Variants in PRMT5 observed in about 807,000 individuals in gnomAD.
The protein encoded by PRMT5 is protein arginine N-methyltransferase 5.
PRMT5 carries 15 observed loss-of-function variants against 84.0 expected under a neutral mutation model. The observed-to-expected ratio is 0.18, with a 90% CI of 0.12 to 0.28. The LOEUF (loss-of-function observed/expected upper bound fraction) is 0.28, where lower values mean the gene tolerates loss of function less well. Among genes scored for constraint, PRMT5 ranks in the 10% least tolerant of loss-of-function variants. The pLI is 1.00. For synonymous variants in PRMT5, 276 were observed against 292.4 expected (o/e 0.94, Z 0.57); for missense variants, 486 against 808.0 (o/e 0.60, Z 4.83).
At chr14:22,925,663 ACAAAAAT>A (rs1166568410) in intron 7 of PRMT5, among the ~76,000 whole-genome samples, 1 of 152,060 alleles carries the variant, frequency 6.6e-6, no homozygotes, top group East Asian at 1.9e-4. Context: ...TACTGAAAAT[ACAAAAAT>A]TAGCCGGGCA....
intron 16 of PRMT5, among the ~76,000 whole-genome samples, chr14:22,921,553 A>G (rs1469188213): frequency 6.6e-6 from 1 of 152,242 alleles, no homozygotes; most frequent in African/African-American, 2.4e-5. Flanking sequence ...TATCCTAAAG[A>G]CAATGGGAAG....
Position 22,928,479 on chromosome 14 carries a change from A to G in PRMT5, c.229+18T>C. 4 of 1,564,598 alleles carry G rather than the reference A, an allele frequency of 2.6e-6. No homozygotes were observed. Among genetic ancestry groups the G allele is most frequent in the African/African-American group, 1.4e-5 (1 of 73,914 alleles). On this transcript the variant is annotated intron_variant, in intron 2 of 16. Coordinates refer to ENST00000324366, the MANE Select transcript of PRMT5 (RefSeq NM_006109.5). This position sits in a 1 kb window ranked among gnomAD's most constrained non-coding sequence, Gnocchi z 4.8. ...TTATTGCCTCTAATAATTAAGGGGCATATGGGATGGTCCCTACCCCTTCCT... is the reference window on the plus strand; with the variant it reads ...TTATTGCCTCTAATAATTAAGGGGCGTATGGGATGGTCCCTACCCCTTCCT...
rs72266907 is a variant in PRMT5, at chr14:22,923,494, A to ATATTTATT, written c.1376-342_1376-335dup. 4,972 of 148,328 alleles carry ATATTTATT rather than the reference A, an allele frequency of 0.034. 124 individuals are homozygous for ATATTTATT. Among genetic ancestry groups the ATATTTATT allele is most frequent in the African/African-American group, 0.06 (2,361 of 39,612 alleles). 9.2% of individuals were successfully genotyped at this position (148,328 alleles called of 1,614,324 possible). On this transcript the variant is annotated intron_variant, in intron 12 of 16. Transcript: ENST00000324366. The surrounding 1 kb of genome is among the most constrained non-coding windows in gnomAD (Gnocchi z 5.2). ...AAGCTAAGCTCAGGGTACATATGTC[A>ATATTTATT]TATTTATTTATTTATTTATTTATTT... is the stretch of plus-strand genomic sequence containing the variant.
Position 22,928,122 on chromosome 14 carries a change from T to C in PRMT5, c.315+4A>G, listed in dbSNP as rs773853659. 4 of 1,613,508 alleles carry C rather than the reference T, an allele frequency of 2.5e-6. No individual in the cohort carries two copies. The highest frequency in any genetic ancestry group is 3.4e-6 in the Non-Finnish European group (4 of 1,179,696). On this transcript the variant is annotated splice_donor_region_variant and intron_variant, in intron 3 of 16. Coordinates refer to ENST00000324366, the MANE Select transcript of PRMT5 (RefSeq NM_006109.5). The surrounding 1 kb of genome is among the most constrained non-coding windows in gnomAD (Gnocchi z 4.8). ...AATCCAGCAGAGAAGTCAAACAGTC[T>C]TACCGCCTCGGAGTTCCTGCGAATC...
At chr14:22,929,111 CCTCCCCTCCAAAGAGTAATAGTCT>C (rs1232389719) in intron 1 of PRMT5, 117 bp downstream of exon 1, 8 of 1,602,794 alleles carry the variant, frequency 5.0e-6, no homozygotes, top group Non-Finnish European at 6.0e-6. Context: ...GTCCGAGGCT[CCTCCCCTCCAAAGAGTAATAGTCT>C]CTCCCCTCCT....
At chr14:22,921,877 G>A (rs4982708) in intron 16 of PRMT5, among the ~76,000 whole-genome samples, 65,305 of 136,112 alleles carry the variant, frequency 0.48, 18,517 homozygotes, top group East Asian at 0.79. Context: ...GTGAGACTCC[G>A]TCTCTTTAAA....
In PRMT5 at chr14:22,928,733, T is replaced by C; in HGVS notation, c.111-118A>G. ...CCTTTCAGCTGCCATCAGTTCAGCC[T>C]ACTAGGCTGCTGAGTTCAGACCACC... On this transcript the variant is annotated intron_variant, in intron 1 of 16. Coordinates refer to ENST00000324366, the MANE Select transcript of PRMT5 (RefSeq NM_006109.5). This position sits in a 1 kb window ranked among gnomAD's most constrained non-coding sequence, Gnocchi z 4.8. The C allele has an allele frequency of 1.2e-6, 1 of 852,556 alleles. No individual in the cohort carries two copies. Among genetic ancestry groups the C allele is most frequent in the Non-Finnish European group, 2.0e-6 (1 of 502,250 alleles). The allele number at this position is 852,556 out of a possible 1,614,324, so 52.8% of individuals were successfully genotyped here.
In PRMT5 at chr14:22,923,888, C is replaced by G; in HGVS notation, c.1375+120G>C. 1 of 1,076,174 alleles carries G rather than the reference C, an allele frequency of 9.3e-7. No individual in the cohort carries two copies. The highest frequency in any genetic ancestry group is 1.3e-6 in the Non-Finnish European group (1 of 759,508). 66.7% of individuals were successfully genotyped at this position (1,076,174 alleles called of 1,614,324 possible). On this transcript the variant is annotated intron_variant, in intron 12 of 16. Transcript: ENST00000324366. This position sits in a 1 kb window ranked among gnomAD's most constrained non-coding sequence, Gnocchi z 5.2. The stretch of plus-strand genomic sequence containing the variant: ...GGGCACAGAGGCAGTGAAGCAGTGG[C>G]TCTCAAACTCATATGATGTGACCCA...
Position 22,926,812 on chromosome 14 carries a change from G to C in PRMT5, c.453C>G (p.Phe151Leu). ...HIHTGHHSSM[F>L]WMRVPLVAPE... Reference sequence around the variant, plus strand: ...GTGCCACCAAGGGTACCCGCATCCAGAACTGCACATGAACAGTCACCCTTT... The same window carrying C: ...GTGCCACCAAGGGTACCCGCATCCACAACTGCACATGAACAGTCACCCTTT... Residue 151 changes from phenylalanine (F) to leucine (L), a missense_variant and splice_region_variant, in exon 5 of 17, where the codon TTC becomes TTG. By Grantham distance (22) the Phe-to-Leu change is conservative. Coordinates refer to ENST00000324366, the MANE Select transcript of PRMT5 (RefSeq NM_006109.5). 6.2e-7 allele frequency: 1 copy of C among 1,607,040 alleles called. No homozygotes were observed.
At chr14:22,925,134 C>A (rs1213826443) in intron 7 of PRMT5, 94 bp from the exon 8 acceptor site, 5 of 1,325,514 alleles carry the variant, frequency 3.8e-6, no homozygotes, top group Non-Finnish European at 5.1e-6. Flanking sequence ...TAAAATAAGG[C>A]CCAGATCAAC....
rs1463547435 is a variant in PRMT5 at position 22,928,677 on chromosome 14, C to A, written c.111-62G>T. On this transcript the variant is annotated intron_variant, in intron 1 of 16. Transcript: ENST00000324366. This position sits in a 1 kb window ranked among gnomAD's most constrained non-coding sequence, Gnocchi z 4.8. ...GCAGCAGTGCCAGAGAGCCAAGCAACTGGATTTAGGCTATCTTGATTTTGC... is the reference window on the plus strand; with the variant it reads ...GCAGCAGTGCCAGAGAGCCAAGCAAATGGATTTAGGCTATCTTGATTTTGC... 4 of 1,315,124 alleles carry A rather than the reference C, an allele frequency of 3.0e-6. No individual in the cohort carries two copies. Among genetic ancestry groups the A allele is most frequent in the Non-Finnish European group, 4.4e-6 (4 of 907,660 alleles). 81.5% of individuals were successfully genotyped at this position (1,315,124 alleles called of 1,614,324 possible).
At chr14:22,926,103 GA>G (rs773586835) in intron 7 of PRMT5, 29 bp downstream of exon 7, 77 of 1,567,024 alleles carry the variant, frequency 4.9e-5, no homozygotes, top group Non-Finnish European at 6.6e-5. Flanking sequence ...TGTATAGCTG[GA>G]CTACCTTTAG....
chr14:22,926,902 A>G, intron 4 of PRMT5, 88 bp from the exon 5 acceptor site: 1 of 879,530 alleles, frequency 1.1e-6, no homozygotes, highest in Non-Finnish European at 1.9e-6. Context: ...CTTCATCCAG[A>G]CCTCGTTAAT....
At chr14:22,925,381 T>TCCTGACCTCAGATGATCCATCCG (rs1422209396) in intron 7 of PRMT5, among the ~76,000 whole-genome samples, 64 of 151,720 alleles carry the variant, frequency 4.2e-4, no homozygotes, top group Non-Finnish European at 6.9e-4. Flanking sequence ...GGTCTCAAAC[T>TCCTGACCTCAGATGATCCATCCG]CCTGACCTCA....
At chr14:22,925,299 G>C (rs538298183) in intron 7 of PRMT5, among the ~76,000 whole-genome samples, 1 of 152,058 alleles carries the variant, frequency 6.6e-6, no homozygotes, top group East Asian at 2.0e-4. Context: ...TGGGACTACA[G>C]GTGCGTGCCA....
rs2044468290 is a variant in PRMT5, at chr14:22,928,165, T to C, written c.276A>G (p.Pro92=). 6.2e-7 allele frequency: 1 copy of C among 1,614,110 alleles called. No individual in the cohort carries two copies. The highest frequency in any genetic ancestry group is 2.2e-5 in the East Asian group (1 of 44,900). ...TGCGAATCTTCTCCACTTTTGAGTC[T>C]GGACGAATCCATGGAGAAAGCTTTC... ...IVGKLSPWIR[P]DSKVEKIRRN... is the part of the protein sequence containing the mutation. The change falls in exon 3 of 17, where the codon CCA becomes CCG. Residue 92 remains proline, a synonymous_variant. Transcript: ENST00000324366. This position sits in a 1 kb window ranked among gnomAD's most constrained non-coding sequence, Gnocchi z 4.8.
chr14:22,925,558 G>A (rs1402249822), intron 7 of PRMT5, among the ~76,000 whole-genome samples: 4 of 151,994 alleles, frequency 2.6e-5, no homozygotes, highest in South Asian at 2.1e-4. Context: ...GGTGGCCCAC[G>A]CCTGTAATCC....
chr14:22,922,438 C>T lies in PRMT5; in HGVS notation c.1696+5G>A. On this transcript the variant is annotated splice_donor_5th_base_variant and intron_variant, in intron 15 of 16. Transcript: ENST00000324366. ...ACTCTGCCATCTACTGCCATAGACA[C>T]TCACTCAGAGTGATGTCCTGATAAA... 1 of 1,600,926 alleles carries T rather than the reference C, an allele frequency of 6.2e-7. No homozygotes were observed. The highest frequency in any genetic ancestry group is 8.6e-7 in the Non-Finnish European group (1 of 1,168,002).
At chr14:22,926,327 A>T (rs2044418217) in intron 6 of PRMT5, 31 bp from the exon 7 acceptor site, 2 of 1,609,426 alleles carry the variant, frequency 1.2e-6, no homozygotes, top group East Asian at 4.5e-5. Flanking sequence ...ACTGTCAACC[A>T]CTGCCAGGCA....
Sources: gnomAD v4.1 joint callset for allele counts (sites outside exome capture counted in the v4.1 genomes callset) on GRCh38, gnomAD v4.1.1 for gene constraint, Gnocchi (gnomAD v3.1) non-coding constraint, MANE v1.5 for transcripts, NCBI Gene and HGNC (gene_info 2026-07-23, HGNC 2026-07-21) for gene names.